The following ALG8 variants were observed in gnomAD, a reference collection of about 807,000 sequenced individuals.
The protein encoded by ALG8 is ALG8 alpha-1,3-glucosyltransferase, also known as dolichyl pyrophosphate Glc1Man9GlcNAc2 alpha-1,3-glucosyltransferase.
Under a neutral mutation model 70.2 loss-of-function variants are expected in ALG8, and 48 were observed. The observed-to-expected ratio is 0.68, with a 90% confidence interval of 0.54 to 0.87. The LOEUF is 0.87. ALG8 is among the 40% of genes least tolerant of loss of function. The probability of loss-of-function intolerance (pLI) is 0.00; values close to 1 mark genes in which losing one functional copy is unlikely to be tolerated. For missense variants in ALG8, 572 were observed against 608.7 expected, an observed-to-expected ratio of 0.94 and a Z score of 0.64; for synonymous variants, 234 against 229.0, an observed-to-expected ratio of 1.02 and a Z score of -0.20.
At chr11:78,123,315 G>GAAAAAAAAAAAAAAAAAAAAAAAAAAAA (rs1220218900) in intron 3 of ALG8, among the ~76,000 whole-genome samples, 2 of 88,540 alleles carry the variant, frequency 2.3e-5, no homozygotes, top group Non-Finnish European at 2.0e-5. Flanking sequence ...GGAAAAAAAA[G>GAAAAAAAAAAAAAAAAAAAAAAAAAAAA]AAAAAAAAAA....
chr11:78,102,106 C>A (rs1460379601), intron 12 of ALG8, among the ~76,000 whole-genome samples: 1 of 152,118 alleles, frequency 6.6e-6, no homozygotes, highest in African/African-American at 2.4e-5. Context: ...ATTTGTTTAA[C>A]CATTTTTAAG....
chr11:78,113,895 G>C lies in ALG8; in HGVS notation c.768C>G (p.Phe256Leu), dbSNP rs562312585. The C allele has an allele frequency of 2.5e-6, 4 of 1,574,222 alleles. No homozygotes were observed. Among genetic ancestry groups the C allele is most frequent in the Non-Finnish European group, 3.4e-6 (4 of 1,161,538 alleles). ...AAAAAAAAAGGCTTACCAAGGCCAG[G>C]AAAGGACCCAATGAAAGAGCAGAAA... ...FLVSALSLGP[F>L]LALNQLPQVF... The change falls in exon 7 of 13, where the codon TTC (phenylalanine) becomes TTG (leucine). Residue 256 changes from phenylalanine (F) to leucine (L), a missense_variant. Transcript: ENST00000299626.
chr11:78,136,366 A>T (rs925457182), intron 1 of ALG8, among the ~76,000 whole-genome samples: 4 of 151,912 alleles, frequency 2.6e-5, no homozygotes, highest in Non-Finnish European at 5.9e-5. Context: ...CAGACAGATA[A>T]TAGAGAGAGA....
chr11:78,104,021 T>C lies in ALG8; in HGVS notation c.1308A>G (p.Leu436=), dbSNP rs1172368286. 8 of 1,510,382 alleles carry C rather than the reference T, an allele frequency of 5.3e-6. No individual in the cohort carries two copies. The highest frequency in any genetic ancestry group is 7.3e-6 in the Non-Finnish European group (8 of 1,089,574). The allele number at this position is 1,510,382 out of a possible 1,614,324, so 93.6% of individuals were successfully genotyped here. A position where few individuals can be genotyped will look rare whatever the true frequency, so the allele number is the denominator to read the frequency against. Residue 436 remains leucine, a synonymous_variant, in exon 12 of 13, where the codon CTA becomes CTG. Transcript: ENST00000299626. ...ELPIKILLML[L]FTIYSISSLK... The stretch of plus-strand genomic sequence containing the variant: ...GTGACGAAATACTATATATGGTGAA[T>C]AGTAACATGAGTAAGATTTTAATGG...
At position 78,117,791 on chromosome 11, in the gene ALG8, A is replaced by G. The variant is rs566399166; in HGVS notation, c.546+1391T>C. Among the ~76,000 whole-genome samples the G allele has an allele frequency of 1.6e-3, 237 of 149,430 alleles. 1 individual carries two copies. Among genetic ancestry groups the G allele is most frequent in the African/African-American group, 5.5e-3 (223 of 40,406 alleles). ...AGACTCCAACTCTTAAGAAAAAAAA[A>G]AGACCGGGAGCGGTGGCTCACGTCT... On this transcript the variant is annotated intron_variant, in intron 5 of 12. Transcript: ENST00000299626.
rs760597687 is a variant in ALG8 at position 78,104,426 on chromosome 11, G to A, written c.1206C>T (p.Asp402=). ...TGGTCAGAATCAGAAAAATCGAAGC[G>A]TCTCCTGCTTTTCCCACAGACAAAA... ...MSLLSVGKAG[D]ASIFLILTTT... The change falls in exon 11 of 13, where the codon GAC becomes GAT. Residue 402 remains aspartate (D), a synonymous_variant. Coordinates refer to ENST00000299626, the MANE Select transcript of ALG8 (RefSeq NM_024079.5). The A allele has an allele frequency of 1.5e-5, 24 of 1,594,498 alleles. No homozygotes were observed. The South Asian group carries it at 1.9e-4, about 13-fold the overall frequency.
intron 5 of ALG8, among the ~76,000 whole-genome samples, chr11:78,117,857 G>A (rs568839823): frequency 4.0e-5 from 6 of 151,676 alleles, no homozygotes; most frequent in East Asian, 2.0e-4. Flanking sequence ...GGCAGATCAC[G>A]AGGTCAGGAG....
At chr11:78,123,065 T>C (rs545857665) in intron 3 of ALG8, among the ~76,000 whole-genome samples, 43 of 152,174 alleles carry the variant, frequency 2.8e-4, no homozygotes, top group Non-Finnish European at 4.9e-4. Context: ...CCCAGCACTT[T>C]GGGAGGCCGA....
intron 8 of ALG8, among the ~76,000 whole-genome samples, chr11:78,111,096 A>G (rs1014171733): frequency 3.9e-5 from 6 of 152,226 alleles, no homozygotes; most frequent in South Asian, 2.1e-4. Flanking sequence ...GACACAATGT[A>G]TAAGTCATCA....
At position 78,107,784 on chromosome 11, in the gene ALG8, G is replaced by A; in HGVS notation, c.1039-838C>T. On this transcript the variant is annotated intron_variant, in intron 9 of 12. Coordinates refer to ENST00000299626, the MANE Select transcript of ALG8 (RefSeq NM_024079.5). ...TTGAACCTGGGAGGCAGAGGTTGCA[G>A]TGAGCTGAAATTGCGCCACTGCACT... 1.6e-5 allele frequency: 3 copies of A among 189,562 alleles called. 1 individual carries two copies. The highest frequency in any genetic ancestry group is 1.7e-4 in the South Asian group (2 of 12,098). 11.7% of individuals were successfully genotyped at this position (189,562 alleles called of 1,614,324 possible). A position where few individuals can be genotyped will look rare whatever the true frequency, so the allele number is the denominator to read the frequency against.
At chr11:78,116,672 T>C (rs1157432209) in intron 5 of ALG8, among the ~76,000 whole-genome samples, 1 of 150,940 alleles carries the variant, frequency 6.6e-6, no homozygotes, top group Non-Finnish European at 1.5e-5. Context: ...GTGCTGTGAC[T>C]CCACCACTGC....
Position 78,112,654 on chromosome 11 carries a change from G to A in ALG8, c.894C>T (p.Val298=), listed in dbSNP as rs746907603. The change falls in exon 8 of 13, where the codon GTC becomes GTT. Residue 298 remains valine, a synonymous_variant. Coordinates refer to ENST00000299626, the MANE Select transcript of ALG8 (RefSeq NM_024079.5). The part of the protein sequence containing the change: ...LYNALDKVLS[V]IGLKLKFLDP... ...AAAAAATGCTCGCTACCATACCGAT[G>A]ACAGACAGCACTTTGTCCAAAGCAT... 1 of 1,613,810 alleles carries A rather than the reference G, an allele frequency of 6.2e-7. No individual in the cohort carries two copies. The highest frequency in any genetic ancestry group is 8.5e-7 in the Non-Finnish European group (1 of 1,179,806).
chr11:78,133,768 G>A (rs1861415288), intron 1 of ALG8, among the ~76,000 whole-genome samples: 1 of 152,058 alleles, frequency 6.6e-6, no homozygotes. Context: ...CGGGCTTGGT[G>A]AGGGGCGCCT....
chr11:78,106,290 C>T (rs537421746), intron 10 of ALG8, among the ~76,000 whole-genome samples: 76 of 151,794 alleles, frequency 5.0e-4, no homozygotes, highest in Admixed American at 2.0e-3. Flanking sequence ...CTCTTCCTCC[C>T]GGGTTCAAGC....
chr11:78,127,227 T>C (rs1861119991), intron 2 of ALG8, 131 bp downstream of exon 2: 5 of 774,152 alleles, frequency 6.5e-6, no homozygotes, highest in African/African-American at 5.3e-5. Flanking sequence ...TCTGCCCGCC[T>C]TGGCCTCCCA....
At chr11:78,124,343 C>T in intron 2 of ALG8, 129 bp from the exon 3 acceptor site, 2 of 899,192 alleles carry the variant, frequency 2.2e-6, no homozygotes, top group Non-Finnish European at 3.5e-6. Context: ...TAGCTCACAC[C>T]TGTAACCCCA....
intron 8 of ALG8, 196 bp downstream of exon 8, chr11:78,112,454 T>C: frequency 1.5e-6 from 1 of 649,720 alleles, no homozygotes; most frequent in South Asian, 1.8e-5. Flanking sequence ...GGAGCTTTTA[T>C]AAGGAAAACA....
intron 1 of ALG8, among the ~76,000 whole-genome samples, chr11:78,132,869 C>G (rs1325333217): frequency 7.4e-6 from 1 of 135,646 alleles, no homozygotes; most frequent in Non-Finnish European, 1.5e-5. Context: ...TGGAGTCTCA[C>G]TCTGTCGACC....
rs55934753 is a variant in ALG8 at position 78,132,833 on chromosome 11, ATTTTTTT to A, written c.96-5404_96-5398del. ...GATAGGATCCTGTTCTTCTTCTTCC[ATTTTTTT>A]TTTTTTTTTTTTTTTAGATGGAGTC... On this transcript the variant is annotated intron_variant, in intron 1 of 12. Coordinates refer to ENST00000299626, the MANE Select transcript of ALG8 (RefSeq NM_024079.5). 1.8e-4 allele frequency among the ~76,000 whole-genome samples: 21 copies of A among 113,908 alleles called. No homozygotes were observed. In the East Asian group the frequency reaches 5.0e-3, roughly 27 times the overall value. The allele number at this position is 113,908 out of a possible 152,430, so 74.7% of individuals were successfully genotyped here. A position where few individuals can be genotyped will look rare whatever the true frequency, so the allele number is the denominator to read the frequency against.
Sources: allele counts gnomAD v4.1 joint callset (sites outside exome capture counted in the v4.1 genomes callset), GRCh38; gene constraint gnomAD v4.1.1; transcripts MANE v1.5; gene names NCBI Gene and HGNC (gene_info 2026-07-23, HGNC 2026-07-21).